GRID1: variants seen among roughly 807,000 people sequenced by gnomAD.
The protein encoded by GRID1 is glutamate ionotropic receptor delta type subunit 1, also known as glutamate receptor ionotropic, delta-1.
Under a neutral mutation model 98.0 loss-of-function variants are expected in GRID1, and 28 were observed. The ratio of observed to expected loss-of-function variants is 0.29; its 90% CI spans 0.21 to 0.39. The LOEUF (loss-of-function observed/expected upper bound fraction) is 0.39. Ranked by LOEUF, GRID1 falls within the 10% of genes least tolerant of loss-of-function variation. The pLI, the probability that GRID1 is intolerant of heterozygous loss-of-function variation, is 1.00. For missense variants in GRID1, 1,111 were observed against 1,340.5 expected, an observed-to-expected ratio of 0.83 and a Z score of 2.67; for synonymous variants, 553 against 538.5, an observed-to-expected ratio of 1.03 and a Z score of -0.37.
chr10:86,237,044 C>T (rs1846550652), intron 2 of GRID1, among the ~76,000 whole-genome samples: 1 of 152,132 alleles, frequency 6.6e-6, no homozygotes, highest in South Asian at 2.1e-4. Flanking sequence ...CACACTCCTT[C>T]CCCTCAGAGA....
At chr10:85,633,177 G>A (rs13376938) in intron 13 of GRID1, among the ~76,000 whole-genome samples, 32,494 of 151,966 alleles carry the variant, frequency 0.21, 3,723 homozygotes, top group Middle Eastern at 0.33. Flanking sequence ...TGATCCTCCC[G>A]CCTCAGCCTC....
intron 13 of GRID1, among the ~76,000 whole-genome samples, chr10:85,621,435 A>G (rs1842859184): frequency 6.6e-6 from 1 of 152,124 alleles, no homozygotes; most frequent in Admixed American, 6.5e-5. Context: ...AGCTACTTAG[A>G]TGAAGTTAGT....
intron 12 of GRID1, among the ~76,000 whole-genome samples, chr10:85,715,510 T>C (rs1017488656): frequency 6.6e-6 from 1 of 152,050 alleles, no homozygotes; most frequent in Non-Finnish European, 1.5e-5. Flanking sequence ...AAAAACTCAC[T>C]AACCACAAAA....
intron 8 of GRID1, among the ~76,000 whole-genome samples, chr10:85,746,080 C>A (rs141723920): frequency 1.4e-3 from 214 of 152,266 alleles, no homozygotes; most frequent in African/African-American, 4.9e-3. Flanking sequence ...CCTATCACTG[C>A]CTTACCTTCA....
At chr10:85,878,201 G>A (rs983809528) in intron 5 of GRID1, among the ~76,000 whole-genome samples, 3 of 152,112 alleles carry the variant, frequency 2.0e-5, no homozygotes, top group Non-Finnish European at 4.4e-5. Context: ...ACCCTGCAGG[G>A]TATTATCCAG....
intron 2 of GRID1, among the ~76,000 whole-genome samples, chr10:86,285,163 C>T (rs1246662745): frequency 6.7e-6 from 1 of 148,156 alleles, no homozygotes; most frequent in Non-Finnish European, 1.5e-5. Context: ...TCCCTGCAAA[C>T]ACCACACCAG....
intron 2 of GRID1, among the ~76,000 whole-genome samples, chr10:86,293,075 T>A (rs577074789): frequency 5.6e-4 from 85 of 152,280 alleles, no homozygotes; most frequent in African/African-American, 2.0e-3. Context: ...AGCCCAGAGC[T>A]GTGTCCTGTG....
chr10:86,206,253 C>G lies in GRID1; in HGVS notation c.520+111G>C, dbSNP rs1471804185. Reference sequence around the variant, plus strand: ...TTTGACCCTATCACCTGGAGGCCCACTCAGCACAGACCACCCCTGACCGGT... The same window carrying G: ...TTTGACCCTATCACCTGGAGGCCCAGTCAGCACAGACCACCCCTGACCGGT... On this transcript the variant is annotated intron_variant, in intron 3 of 15. Coordinates refer to ENST00000327946, the MANE Select transcript of GRID1 (RefSeq NM_017551.3). This position sits in a 1 kb window ranked among gnomAD's most constrained non-coding sequence, Gnocchi z 4.1. 2.0e-6 allele frequency: 2 copies of G among 1,012,284 alleles called. No homozygotes were observed. The highest frequency in any genetic ancestry group is 3.2e-5 in the African/African-American group (2 of 62,210). 62.7% of individuals were successfully genotyped at this position (1,012,284 alleles called of 1,614,324 possible). A position where few individuals can be genotyped will look rare whatever the true frequency, so the allele number is the denominator to read the frequency against.
chr10:85,829,630 A>G (rs1842850189), intron 8 of GRID1, among the ~76,000 whole-genome samples: 1 of 152,182 alleles, frequency 6.6e-6, no homozygotes, highest in African/African-American at 2.4e-5. Flanking sequence ...ATACACAAAA[A>G]TCCGTAGCAT....
rs545038293 is a variant in GRID1, at chr10:85,670,690, A to G, written c.1998-23293T>C. Among the ~76,000 whole-genome samples the G allele has an allele frequency of 4.5e-3, 679 of 152,156 alleles. 1 individual carries two copies. The highest frequency in any genetic ancestry group is 6.5e-3 in the Non-Finnish European group (442 of 68,012). ...CAACTGGCTTCTGTTCCCACCCTTCAGCCCACAGGGTCCTCCATCTTGCTG... is the reference window on the plus strand; with the variant it reads ...CAACTGGCTTCTGTTCCCACCCTTCGGCCCACAGGGTCCTCCATCTTGCTG... On this transcript the variant is annotated intron_variant, in intron 12 of 15. Transcript: ENST00000327946.
At chr10:85,859,722 C>T (rs369570299) in intron 6 of GRID1, among the ~76,000 whole-genome samples, 5 of 152,174 alleles carry the variant, frequency 3.3e-5, no homozygotes, top group African/African-American at 9.7e-5. Flanking sequence ...TAATCTAACA[C>T]TGCAGTAATA....
At chr10:86,158,006 T>C (rs1020459573) in intron 3 of GRID1, among the ~76,000 whole-genome samples, 3 of 152,294 alleles carry the variant, frequency 2.0e-5, no homozygotes, top group African/African-American at 7.2e-5. Context: ...TCAAGAGGAT[T>C]TTCATAAACA....
chr10:86,314,276 C>T (rs938022289), intron 2 of GRID1, among the ~76,000 whole-genome samples: 2 of 152,206 alleles, frequency 1.3e-5, no homozygotes, highest in African/African-American at 2.4e-5. Context: ...GCCTGCAACC[C>T]ACCATAGAAT....
intron 5 of GRID1, among the ~76,000 whole-genome samples, chr10:85,893,304 T>C (rs1841232151): frequency 6.6e-6 from 1 of 152,090 alleles, no homozygotes; most frequent in Admixed American, 6.6e-5. Flanking sequence ...CTGAATTTTT[T>C]CCCCTAAGAG....
intron 3 of GRID1, among the ~76,000 whole-genome samples, chr10:86,184,110 G>A (rs1845694754): frequency 6.6e-6 from 1 of 152,124 alleles, no homozygotes. Flanking sequence ...TCACTGTGCT[G>A]TTTATTATTA....
chr10:86,034,863 T>C (rs1208341638), intron 4 of GRID1, among the ~76,000 whole-genome samples: 1 of 151,202 alleles, frequency 6.6e-6, no homozygotes, highest in Admixed American at 6.6e-5. Context: ...GATCAATGGG[T>C]TGGTGGATGG....
chr10:85,726,501 G>T (rs1411479762), intron 10 of GRID1, among the ~76,000 whole-genome samples: 1 of 152,112 alleles, frequency 6.6e-6, no homozygotes, highest in African/African-American at 2.4e-5. Context: ...AATCCATTCA[G>T]GCTTAGGATG....
At chr10:85,954,163 T>G (rs1260987086) in intron 4 of GRID1, among the ~76,000 whole-genome samples, 1 of 152,156 alleles carries the variant, frequency 6.6e-6, no homozygotes, top group Non-Finnish European at 1.5e-5. Context: ...AGTAGGAAGT[T>G]CTGGTCCCAG....
chr10:85,634,478 CAATGATAAT>C (rs759509905), intron 13 of GRID1, among the ~76,000 whole-genome samples: 11 of 151,982 alleles, frequency 7.2e-5, no homozygotes, highest in Non-Finnish European at 1.6e-4. Context: ...ATAATGATGA[CAATGATAAT>C]AACAGTAGTA....
Sources: allele counts gnomAD v4.1 joint callset (sites outside exome capture counted in the v4.1 genomes callset), GRCh38; gene constraint gnomAD v4.1.1; non-coding constraint Gnocchi (gnomAD v3.1); transcripts MANE v1.5; gene names NCBI Gene and HGNC (gene_info 2026-07-23, HGNC 2026-07-21).